The following RIMS2 variants were observed in gnomAD, a reference collection of about 807,000 sequenced individuals.
The protein encoded by RIMS2 is regulating synaptic membrane exocytosis protein 2.
Under a neutral mutation model 174.4 loss-of-function variants are expected in RIMS2, and 59 were observed. The observed-to-expected ratio is 0.34, with a 90% confidence interval of 0.27 to 0.42. The LOEUF is 0.42. Among genes scored for constraint, RIMS2 ranks in the 10% least tolerant of loss-of-function variants. The probability of loss-of-function intolerance (pLI) is 1.00; values close to 1 mark genes in which losing one functional copy is unlikely to be tolerated. For missense variants in RIMS2, 1,620 were observed against 1,666.3 expected (o/e 0.97, Z 0.48); for synonymous variants, 606 against 572.5 (o/e 1.06, Z -0.84).
chr8:103,705,758 A>C (rs1204255679), intron 2 of RIMS2, among the ~76,000 whole-genome samples: 1 of 151,370 alleles, frequency 6.6e-6, no homozygotes, highest in African/African-American at 2.4e-5. Flanking sequence ...TTTGTTTTCT[A>C]CTTACATGGA....
At position 104,052,522 on chromosome 8, in the gene RIMS2, A is replaced by G. The variant is rs368517342; in HGVS notation, c.3334+37907A>G. ...GAAGGGACTAAAGCTTTGAATCTAA[A>G]GCAGTGGGCAAGAAACCAAAAAAGA... On this transcript the variant is annotated intron_variant, in intron 19 of 23. Transcript: ENST00000504942. 2.6e-5 allele frequency among the ~76,000 whole-genome samples: 4 copies of G among 152,182 alleles called. No homozygotes were observed. The East Asian group carries it at 7.7e-4, about 29-fold the overall frequency.
chr8:104,154,222 A>C (rs545687058), intron 19 of RIMS2, among the ~76,000 whole-genome samples: 1 of 152,304 alleles, frequency 6.6e-6, no homozygotes, highest in East Asian at 1.9e-4. Flanking sequence ...AGCTAATGTC[A>C]TGGGTGGAAG....
At chr8:103,765,113 G>C (rs752931367) in intron 2 of RIMS2, among the ~76,000 whole-genome samples, 2 of 152,108 alleles carry the variant, frequency 1.3e-5, no homozygotes, top group Non-Finnish European at 2.9e-5. Flanking sequence ...TTTTATGTGA[G>C]AAAATGTTTA....
At chr8:103,809,198 A>G (rs1003897059) in intron 3 of RIMS2, among the ~76,000 whole-genome samples, 1 of 151,252 alleles carries the variant, frequency 6.6e-6, no homozygotes, top group African/African-American at 2.4e-5. Context: ...CCATATCTGG[A>G]ATACTCCTTT....
chr8:104,128,178 A>C (rs530892868), intron 19 of RIMS2, among the ~76,000 whole-genome samples: 1 of 152,280 alleles, frequency 6.6e-6, no homozygotes, highest in South Asian at 2.1e-4. Context: ...TCTGGCACTA[A>C]ATTTAAATTC....
In RIMS2 at chr8:103,716,295, G is replaced by A. The variant is rs1300428348; in HGVS notation, c.387+18999G>A. ...CTGTCTTTTCTAACTTGCTTTCGTGGATATTCACTCCAGGAGGACAAAGTG... is the reference window on the plus strand; with the variant it reads ...CTGTCTTTTCTAACTTGCTTTCGTGAATATTCACTCCAGGAGGACAAAGTG... On this transcript the variant is annotated intron_variant, in intron 2 of 23. Transcript: ENST00000504942. 2 of 151,712 alleles carry A rather than the reference G, an allele frequency of 1.3e-5. No homozygotes were observed. Among genetic ancestry groups the A allele is most frequent in the African/African-American group, 4.8e-5 (2 of 41,334 alleles). The allele number at this position is 151,712 out of a possible 1,614,324, so 9.4% of individuals were successfully genotyped here.
intron 1 of RIMS2, among the ~76,000 whole-genome samples, chr8:103,674,523 G>A (rs2136453979): frequency 6.7e-6 from 1 of 150,118 alleles, no homozygotes; most frequent in Non-Finnish European, 1.5e-5. Context: ...TTTTTAATTT[G>A]AAGCAACCTT....
At chr8:103,841,772 T>A (rs1274091288) in intron 3 of RIMS2, among the ~76,000 whole-genome samples, 1 of 152,040 alleles carries the variant, frequency 6.6e-6, no homozygotes, top group African/African-American at 2.4e-5. Flanking sequence ...CTGGCCAACA[T>A]GACGAAACTC....
intron 1 of RIMS2, among the ~76,000 whole-genome samples, chr8:103,625,736 G>A (rs2095765321): frequency 6.6e-6 from 1 of 152,048 alleles, no homozygotes; most frequent in Non-Finnish European, 1.5e-5. Flanking sequence ...TTTATTGAAT[G>A]CAGGCAGGTC....
chr8:103,636,792 C>A (rs1270274728), intron 1 of RIMS2, among the ~76,000 whole-genome samples: 35 of 44,230 alleles, frequency 7.9e-4, no homozygotes, highest in African/African-American at 3.1e-3. Flanking sequence ...CCCCGCACCC[C>A]CCCCCCCCCA....
At chr8:104,149,687 T>A (rs1327132974) in intron 19 of RIMS2, among the ~76,000 whole-genome samples, 1 of 152,184 alleles carries the variant, frequency 6.6e-6, no homozygotes, top group Non-Finnish European at 1.5e-5. Flanking sequence ...TATAGGCAGC[T>A]GGATTAAATC....
chr8:104,080,802 C>A (rs141219509), intron 19 of RIMS2, among the ~76,000 whole-genome samples: 1 of 151,888 alleles, frequency 6.6e-6, no homozygotes, highest in African/African-American at 2.4e-5. Flanking sequence ...ATAAATATAA[C>A]GTTTTATTAA....
intron 19 of RIMS2, among the ~76,000 whole-genome samples, chr8:104,148,169 CT>C (rs60928884): frequency 0.019 from 2,218 of 116,316 alleles, 4 homozygotes; most frequent in East Asian, 0.033. Context: ...TATTATCAGC[CT>C]TTTTTTTTTT....
intron 19 of RIMS2, among the ~76,000 whole-genome samples, chr8:104,040,389 A>G (rs1366419004): frequency 1.3e-5 from 2 of 151,630 alleles, no homozygotes; most frequent in Non-Finnish European, 3.0e-5. Flanking sequence ...TATCTTTGGA[A>G]GAAATTTTTT....
intron 2 of RIMS2, among the ~76,000 whole-genome samples, chr8:103,736,449 C>T (rs1384593996): frequency 6.6e-6 from 1 of 152,140 alleles, no homozygotes; most frequent in Non-Finnish European, 1.5e-5. Context: ...TGTTTTGAAT[C>T]TATTCATTAT....
At chr8:103,972,631 C>T (rs1053994853) in intron 15 of RIMS2, among the ~76,000 whole-genome samples, 2 of 152,164 alleles carry the variant, frequency 1.3e-5, no homozygotes, top group Non-Finnish European at 2.9e-5. Context: ...CCCTATCCTC[C>T]TTGCTGTTCT....
At chr8:104,062,775 T>C (rs2097026230) in intron 19 of RIMS2, among the ~76,000 whole-genome samples, 1 of 152,152 alleles carries the variant, frequency 6.6e-6, no homozygotes, top group South Asian at 2.1e-4. Flanking sequence ...TTTAAATATG[T>C]TATTTCTGTC....
intron 19 of RIMS2, among the ~76,000 whole-genome samples, chr8:104,081,441 T>A (rs1188819633): frequency 1.3e-5 from 2 of 152,012 alleles, no homozygotes; most frequent in East Asian, 3.8e-4. Context: ...TAGTGTTATT[T>A]TAATGCTGTT....
chr8:103,768,538 A>G (rs1337661821), intron 3 of RIMS2: 24 of 1,494,342 alleles, frequency 1.6e-5, no homozygotes, highest in Non-Finnish European at 2.1e-5. Context: ...GTTACAGACC[A>G]AGGAGAACTG....
Sources: gnomAD v4.1 joint callset for allele counts (sites outside exome capture counted in the v4.1 genomes callset) on GRCh38, gnomAD v4.1.1 for gene constraint, MANE v1.5 for transcripts, NCBI Gene and HGNC (gene_info 2026-07-23, HGNC 2026-07-21) for gene names.